The following MAN1A1 variants were observed in gnomAD, a reference collection of about 807,000 sequenced individuals.
The protein encoded by MAN1A1 is mannosidase alpha class 1A member 1, also known as mannosyl-oligosaccharide 1,2-alpha-mannosidase IA.
MAN1A1 carries 29 observed loss-of-function variants against 70.8 expected under a neutral mutation model. The ratio of observed to expected loss-of-function variants is 0.41; its 90% CI spans 0.31 to 0.56. MAN1A1 has a LOEUF of 0.56. MAN1A1 is among the 20% of genes least tolerant of loss of function. The pLI is 0.29. For missense variants in MAN1A1, 747 were observed against 841.3 expected (o/e 0.89, Z 1.39); for synonymous variants, 349 against 330.1 (o/e 1.06, Z -0.62).
chr6:119,268,639 T>G (rs970020556), intron 5 of MAN1A1, among the ~76,000 whole-genome samples: 1 of 151,968 alleles, frequency 6.6e-6, no homozygotes, highest in African/African-American at 2.4e-5. Flanking sequence ...CAGGTTGAAG[T>G]GTAGTGGTGC....
At chr6:119,260,976 G>GTTTTTT (rs61169300) in intron 5 of MAN1A1, among the ~76,000 whole-genome samples, 2 of 116,942 alleles carry the variant, frequency 1.7e-5, no homozygotes, top group African/African-American at 6.7e-5. Flanking sequence ...TTTTTTTATT[G>GTTTTTT]TTTTTTTTTT....
intron 9 of MAN1A1, among the ~76,000 whole-genome samples, chr6:119,192,874 C>T (rs896156903): frequency 2.6e-5 from 4 of 152,016 alleles, no homozygotes; most frequent in Admixed American, 1.3e-4. Flanking sequence ...ACTTTATTTT[C>T]GGTTTTGATT....
intron 2 of MAN1A1, among the ~76,000 whole-genome samples, chr6:119,310,825 G>A (rs1036353865): frequency 6.6e-6 from 1 of 152,198 alleles, no homozygotes; most frequent in Non-Finnish European, 1.5e-5. Context: ...TGTTAGGCCT[G>A]TACAGCAGCT....
chr6:119,301,236 T>C (rs1772381162), intron 4 of MAN1A1, among the ~76,000 whole-genome samples: 1 of 152,216 alleles, frequency 6.6e-6, no homozygotes, highest in Non-Finnish European at 1.5e-5. Context: ...TTCCATGGCC[T>C]ACATGCTTTC....
chr6:119,242,159 T>A (rs1775030661), intron 6 of MAN1A1, among the ~76,000 whole-genome samples: 1 of 109,304 alleles, frequency 9.1e-6, no homozygotes, highest in South Asian at 2.6e-4. Context: ...ATAGACTGGG[T>A]TTGTACCACA....
chr6:119,309,732 C>T (rs1043565272), intron 2 of MAN1A1, among the ~76,000 whole-genome samples: 3 of 152,186 alleles, frequency 2.0e-5, no homozygotes, highest in Admixed American at 1.3e-4. Flanking sequence ...AGAGCTGACA[C>T]GCTGTGTGAA....
intron 6 of MAN1A1, among the ~76,000 whole-genome samples, chr6:119,238,532 T>C (rs1159154448): frequency 6.6e-6 from 1 of 152,200 alleles, no homozygotes; most frequent in Non-Finnish European, 1.5e-5. Flanking sequence ...TTTGAAAAAC[T>C]GTTCACCATT....
At chr6:119,215,231 T>C (rs1774167720) in intron 6 of MAN1A1, among the ~76,000 whole-genome samples, 3 of 151,832 alleles carry the variant, frequency 2.0e-5, no homozygotes, top group Admixed American at 1.3e-4. Context: ...AAATTAGAGA[T>C]ACTAATCATT....
chr6:119,242,281 T>G (rs2114309955), intron 6 of MAN1A1, among the ~76,000 whole-genome samples: 1 of 152,254 alleles, frequency 6.6e-6, no homozygotes, highest in South Asian at 2.1e-4. Flanking sequence ...TAGTACATAA[T>G]TCACTAATAA....
rs1773087346 is a variant in MAN1A1 at position 119,179,388 on chromosome 6, G to A, written c.*431C>T. 6.5e-6 allele frequency: 1 copy of A among 153,354 alleles called. No homozygotes were observed. The highest frequency in any genetic ancestry group is 2.1e-4 in the South Asian group (1 of 4,874). 9.5% of individuals were successfully genotyped at this position (153,354 alleles called of 1,614,324 possible). ...TTAACATGAAATTGTAAAGGAAAAA[G>A]CTTTTTTATACTTATTATTATGGCT... On this transcript the variant is annotated 3_prime_UTR_variant, in exon 13 of 13. Transcript: ENST00000368468.
chr6:119,300,897 CA>C (rs1772373511), intron 4 of MAN1A1, among the ~76,000 whole-genome samples: 1 of 152,126 alleles, frequency 6.6e-6, no homozygotes, highest in African/African-American at 2.4e-5. Context: ...GGAGTAGAAA[CA>C]AAATATTAAA....
intron 5 of MAN1A1, among the ~76,000 whole-genome samples, chr6:119,284,773 G>T (rs1776318361): frequency 6.6e-6 from 1 of 151,804 alleles, no homozygotes; most frequent in South Asian, 2.1e-4. Flanking sequence ...TTTTCAAGTA[G>T]TTTTACCATT....
chr6:119,184,641 GGT>G (rs1478516640), intron 11 of MAN1A1, among the ~76,000 whole-genome samples: 4 of 151,924 alleles, frequency 2.6e-5, no homozygotes, highest in Non-Finnish European at 5.9e-5. Context: ...GAGTGGAAAA[GGT>G]TAGGTTTAGA....
chr6:119,193,750 G>A (rs1187281318), intron 9 of MAN1A1, 27 bp downstream of exon 9: 1 of 1,498,760 alleles, frequency 6.7e-7, no homozygotes, highest in African/African-American at 1.4e-5. Flanking sequence ...GGGCTGAGTG[G>A]CAAAGATGAT....
intron 5 of MAN1A1, among the ~76,000 whole-genome samples, chr6:119,265,678 A>G (rs1370322606): frequency 6.6e-6 from 1 of 151,024 alleles, no homozygotes; most frequent in African/African-American, 2.5e-5. Flanking sequence ...TTGAAAAATC[A>G]TAATACGGTG....
intron 6 of MAN1A1, among the ~76,000 whole-genome samples, chr6:119,212,276 G>A (rs140758167): frequency 2.7e-4 from 41 of 152,046 alleles, no homozygotes; most frequent in African/African-American, 9.2e-4. Context: ...TAGTCTCAGG[G>A]CCCAGCTGAA....
chr6:119,254,689 A>G (rs117556200), intron 5 of MAN1A1, among the ~76,000 whole-genome samples: 4,252 of 152,304 alleles, frequency 0.028, 93 homozygotes, highest in Non-Finnish European at 0.045. Flanking sequence ...TTGTACAACT[A>G]GCAATCAGTT....
chr6:119,260,591 G>C (rs1268702151), intron 5 of MAN1A1, among the ~76,000 whole-genome samples: 1 of 152,148 alleles, frequency 6.6e-6, no homozygotes, highest in Non-Finnish European at 1.5e-5. Flanking sequence ...AATGGGCTTG[G>C]CTATACTTTG....
At chr6:119,295,688 A>G (rs192880193) in intron 4 of MAN1A1, among the ~76,000 whole-genome samples, 29 of 152,258 alleles carry the variant, frequency 1.9e-4, no homozygotes, top group Admixed American at 1.5e-3. Context: ...TAAAAGGACA[A>G]TTCTCCGATC....
Sources: allele counts gnomAD v4.1 joint callset (sites outside exome capture counted in the v4.1 genomes callset), GRCh38; gene constraint gnomAD v4.1.1; transcripts MANE v1.5; gene names NCBI Gene and HGNC (gene_info 2026-07-23, HGNC 2026-07-21).